Variants in ZNF385D observed in about 807,000 individuals in gnomAD.
ZNF385D encodes the protein zinc finger protein 659.
ZNF385D carries 15 observed loss-of-function variants against 35.8 expected under a neutral mutation model. That is an observed-to-expected ratio of 0.42 (90% confidence interval 0.28 to 0.64). The LOEUF (loss-of-function observed/expected upper bound fraction) is 0.64, where lower values mean the gene tolerates loss of function less well. Ranked by LOEUF, ZNF385D falls within the 30% of genes least tolerant of loss-of-function variation. The pLI is 0.23. For missense variants in ZNF385D, 474 were observed against 494.6 expected (o/e 0.96, Z 0.39); for synonymous variants, 212 against 186.8 (o/e 1.13, Z -1.10).
chr3:21,812,091 C>A (rs1263992976), intron 3 of ZNF385D, among the ~76,000 whole-genome samples: 1 of 152,018 alleles, frequency 6.6e-6, no homozygotes, highest in Non-Finnish European at 1.5e-5. Flanking sequence ...AAGTTAAGTG[C>A]CACCAAAAAG....
intron 3 of ZNF385D, among the ~76,000 whole-genome samples, chr3:22,079,095 G>A (rs904129223): frequency 2.0e-5 from 3 of 152,002 alleles, no homozygotes; most frequent in South Asian, 2.1e-4. Flanking sequence ...GAACAGAAGT[G>A]TGGATTAAAT....
chr3:21,531,690 A>G (rs1463394900), intron 3 of ZNF385D, among the ~76,000 whole-genome samples: 1 of 152,208 alleles, frequency 6.6e-6, no homozygotes, highest in Non-Finnish European at 1.5e-5. Flanking sequence ...ACATTCTGGA[A>G]AAGACAAAAC....
At chr3:21,527,190 T>C (rs1447456916) in intron 3 of ZNF385D, among the ~76,000 whole-genome samples, 1 of 152,226 alleles carries the variant, frequency 6.6e-6, no homozygotes, top group Non-Finnish European at 1.5e-5. Context: ...TCAGTATCTA[T>C]TTGTTGAATG....
At chr3:22,190,505 C>A (rs1026177106) in intron 2 of ZNF385D, among the ~76,000 whole-genome samples, 2 of 152,076 alleles carry the variant, frequency 1.3e-5, no homozygotes, top group Non-Finnish European at 2.9e-5. Flanking sequence ...TTGTCGTGGT[C>A]ACTGAATATA....
chr3:22,296,888 C>T (rs1575064338), intron 2 of ZNF385D, among the ~76,000 whole-genome samples: 1 of 152,014 alleles, frequency 6.6e-6, no homozygotes, highest in East Asian at 1.9e-4. Context: ...GGCTAATGGG[C>T]CAGGCCAGAC....
intron 3 of ZNF385D, among the ~76,000 whole-genome samples, chr3:21,861,056 G>T (rs1397800776): frequency 6.6e-6 from 1 of 152,056 alleles, no homozygotes; most frequent in African/African-American, 2.4e-5. Context: ...AGCAGACAAA[G>T]AACAGTTTAA....
At chr3:22,361,653 T>TG (rs1696413295) in intron 2 of ZNF385D, among the ~76,000 whole-genome samples, 1 of 152,060 alleles carries the variant, frequency 6.6e-6, no homozygotes, top group Non-Finnish European at 1.5e-5. Context: ...TTCCAATGTA[T>TG]GATAGACTTA....
intron 2 of ZNF385D, among the ~76,000 whole-genome samples, chr3:22,175,372 T>G (rs1006552985): frequency 6.6e-6 from 1 of 151,980 alleles, no homozygotes; most frequent in Non-Finnish European, 1.5e-5. Context: ...AGATACTGCT[T>G]ACTTGGAATA....
intron 1 of ZNF385D, among the ~76,000 whole-genome samples, chr3:21,747,456 C>T (rs542874358): frequency 6.6e-6 from 1 of 152,308 alleles, no homozygotes; most frequent in East Asian, 1.9e-4. Context: ...ATTTCTTCAG[C>T]ACAATCAGCC....
chr3:21,949,594 A>G (rs1413852298), intron 3 of ZNF385D, among the ~76,000 whole-genome samples: 1 of 135,690 alleles, frequency 7.4e-6, no homozygotes. Context: ...TCTGGGATAC[A>G]TGCACAGAAC....
chr3:21,692,190 C>G lies in ZNF385D; in HGVS notation c.23-27162G>C, dbSNP rs190236238. Among the ~76,000 whole-genome samples, 476 of 152,200 alleles carry G rather than the reference C, an allele frequency of 3.1e-3. 1 individual carries two copies. The highest frequency in any genetic ancestry group is 0.01 in the Middle Eastern group (3 of 294). On this transcript the variant is annotated intron_variant, in intron 1 of 7. Transcript: ENST00000281523. ...TTTTCTGGGTGGCATATATTTTTAACCACATTTTTGGATGAAGACCCTGAG... is the reference window on the plus strand; with the variant it reads ...TTTTCTGGGTGGCATATATTTTTAAGCACATTTTTGGATGAAGACCCTGAG...
chr3:22,201,020 C>T (rs550468460), intron 2 of ZNF385D, among the ~76,000 whole-genome samples: 1 of 152,050 alleles, frequency 6.6e-6, no homozygotes, highest in Non-Finnish European at 1.5e-5. Flanking sequence ...TTACAGGGTC[C>T]TGAGGTGACA....
rs189159551 is a variant in ZNF385D at position 21,672,391 on chromosome 3, C to T, written c.23-7363G>A. The stretch of plus-strand genomic sequence containing the variant: ...CTAAAGTGAACTGGCCTTAGCAGGT[C>T]AACTCAAATGTTGAAACTCAAGGTC... On this transcript the variant is annotated intron_variant, in intron 1 of 7. Coordinates refer to ENST00000281523, the MANE Select transcript of ZNF385D (RefSeq NM_024697.3). Among the ~76,000 whole-genome samples the T allele has an allele frequency of 1.4e-4, 21 of 151,898 alleles. 1 individual carries two copies. The highest frequency in any genetic ancestry group is 4.8e-4 in the African/African-American group (20 of 41,398).
chr3:21,548,675 T>C (rs1280189539), intron 3 of ZNF385D, among the ~76,000 whole-genome samples: 1 of 152,260 alleles, frequency 6.6e-6, no homozygotes, highest in East Asian at 1.9e-4. Flanking sequence ...GCTACTGATA[T>C]CCACCTTGAA....
At chr3:21,529,439 C>T (rs1369241918) in intron 3 of ZNF385D, among the ~76,000 whole-genome samples, 3 of 152,088 alleles carry the variant, frequency 2.0e-5, no homozygotes, top group African/African-American at 7.2e-5. Context: ...ACAGCTTTTT[C>T]ATCCTTCTTC....
intron 3 of ZNF385D, among the ~76,000 whole-genome samples, chr3:21,900,004 G>T (rs949929121): frequency 5.3e-5 from 8 of 152,232 alleles, no homozygotes; most frequent in Admixed American, 5.2e-4. Context: ...TGGGCAGGTG[G>T]CAAGACATGC....
At chr3:21,512,160 A>AAG (rs1707265030) in intron 3 of ZNF385D, among the ~76,000 whole-genome samples, 1 of 151,560 alleles carries the variant, frequency 6.6e-6, no homozygotes. Context: ...AAAAAAAAAA[A>AAG]AAAAGAAGTA....
At chr3:21,645,701 A>G (rs902286192) in intron 2 of ZNF385D, among the ~76,000 whole-genome samples, 4 of 152,140 alleles carry the variant, frequency 2.6e-5, no homozygotes, top group Non-Finnish European at 4.4e-5. Flanking sequence ...CTGTCAGCCA[A>G]GTTTCCTGCC....
intron 2 of ZNF385D, among the ~76,000 whole-genome samples, chr3:22,268,710 G>C (rs1304774306): frequency 6.6e-6 from 1 of 152,066 alleles, no homozygotes; most frequent in East Asian, 1.9e-4. Context: ...CTATCAAAAA[G>C]CTATTGAGAG....
Sources: allele counts gnomAD v4.1 joint callset (sites outside exome capture counted in the v4.1 genomes callset), GRCh38; gene constraint gnomAD v4.1.1; transcripts MANE v1.5; gene names NCBI Gene and HGNC (gene_info 2026-07-23, HGNC 2026-07-21).